Variants in MYH3 observed in about 807,000 individuals in gnomAD.
MYH3 encodes the protein myosin-3.
Under a neutral mutation model 238.0 loss-of-function variants are expected in MYH3, and 130 were observed. The observed-to-expected ratio is 0.55, with a 90% confidence interval of 0.47 to 0.63. The LOEUF is 0.63. MYH3 is among the 30% of genes least tolerant of loss of function. The pLI is 0.00. For missense variants in MYH3, 1,853 were observed against 2,374.9 expected (o/e 0.78, Z 4.57); for synonymous variants, 880 against 924.1 (o/e 0.95, Z 0.86).
At chr17:10,630,235 C>T (rs370214340) in intron 37 of MYH3, 39 bp from the exon 38 acceptor site, 23 of 1,613,582 alleles carry the variant, frequency 1.4e-5, no homozygotes, top group South Asian at 3.3e-5. Flanking sequence ...GGGGCTGCAG[C>T]GTGATTGGGA....
intron 10 of MYH3, 58 bp downstream of exon 10, chr17:10,647,124 G>T: frequency 8.2e-7 from 1 of 1,222,148 alleles, no homozygotes; most frequent in Non-Finnish European, 1.2e-6. Context: ...AACTCTCCTT[G>T]GTCTAGTGAT....
rs2074408593 is a variant in MYH3, at chr17:10,654,399, A to G, written c.204+462T>C. Among the ~76,000 whole-genome samples, 1 of 152,182 alleles carries G rather than the reference A, an allele frequency of 6.6e-6. No individual in the cohort carries two copies. The highest frequency in any genetic ancestry group is 1.5e-5 in the Non-Finnish European group (1 of 68,032). ...GCAGTGCTCATCCCCTTCATGATAC[A>G]AGGAGGCTGCTATTTCACTGAGCTT... On this transcript the variant is annotated intron_variant, in intron 3 of 40. Transcript: ENST00000583535. The surrounding 1 kb of genome is among the most constrained non-coding windows in gnomAD (Gnocchi z 4.5).
chr17:10,663,645 T>G, the MYH3 span, among the ~76,000 whole-genome samples: 1 of 151,888 alleles, frequency 6.6e-6, no homozygotes. Context: ...AATGGGTGGC[T>G]GGGGGGACAC....
the MYH3 span, chr17:10,676,565 A>C: frequency 2.0e-5 from 3 of 152,182 alleles, no homozygotes; most frequent in African/African-American, 7.2e-5. Flanking sequence ...TAAGTTTCCA[A>C]ATTTTCACAA....
At chr17:10,678,341 T>C in the MYH3 span, 2 of 152,190 alleles carry the variant, frequency 1.3e-5, no homozygotes. Context: ...CAGGAACATC[T>C]GGAAGACGTC....
At chr17:10,659,542 C>T (rs1436401441), upstream of MYH3, among the ~76,000 whole-genome samples, 1 of 152,208 alleles carries the variant, frequency 6.6e-6, no homozygotes, top group Non-Finnish European at 1.5e-5. Context: ...GTGTCAGGCA[C>T]AGAACCCAGA....
intron 12 of MYH3, among the ~76,000 whole-genome samples, 172 bp downstream of exon 12, chr17:10,645,535 C>T (rs866551217): frequency 3.3e-5 from 5 of 152,100 alleles, no homozygotes; most frequent in Middle Eastern, 3.4e-3. Flanking sequence ...GTTGGCCATG[C>T]TGGTCTCGAA....
chr17:10,673,569 C>G, the MYH3 span: 1 of 152,280 alleles, frequency 6.6e-6, no homozygotes, highest in African/African-American at 2.4e-5. Flanking sequence ...CTAAGACGGC[C>G]TTAGCAGAGC....
the MYH3 span, chr17:10,675,894 T>G: frequency 6.6e-6 from 1 of 152,136 alleles, no homozygotes; most frequent in African/African-American, 2.4e-5. Flanking sequence ...GGTGCAAACA[T>G]GGACAAAGTC....
the MYH3 span, among the ~76,000 whole-genome samples, chr17:10,670,641 T>C: frequency 3.9e-5 from 6 of 152,122 alleles, no homozygotes; most frequent in East Asian, 1.9e-4. The surrounding 1 kb of genome is among the most constrained non-coding windows in gnomAD (Gnocchi z 7.0). Flanking sequence ...AAAGTTAATA[T>C]ATGTTCATTT....
chr17:10,632,068 G>A (rs372430637), intron 34 of MYH3, 52 bp from the exon 35 acceptor site: 11 of 1,577,666 alleles, frequency 7.0e-6, no homozygotes, highest in African/African-American at 2.7e-5. Context: ...TTAGGACCAC[G>A]AGCCTCATCT....
At chr17:10,659,728 G>C (rs1388906953), upstream of MYH3, among the ~76,000 whole-genome samples, 2 of 152,196 alleles carry the variant, frequency 1.3e-5, no homozygotes, top group Non-Finnish European at 2.9e-5. Flanking sequence ...GAGGGAGAAA[G>C]AACACCCTGC....
In MYH3 at chr17:10,640,083, G is replaced by A; in HGVS notation, c.2595C>T (p.Ala865=). The A allele has an allele frequency of 1.2e-6, 2 of 1,613,984 alleles. No individual in the cohort carries two copies. Among genetic ancestry groups the A allele is most frequent in the Non-Finnish European group, 1.7e-6 (2 of 1,180,006 alleles). Reference sequence around the variant, plus strand: ...GCTCCTTCCTTTTTGCCTCCGACTTGGCGAGTTCATCTTTGGTTTTCTGGA... The same window carrying A: ...GCTCCTTCCTTTTTGCCTCCGACTTAGCGAGTTCATCTTTGGTTTTCTGGA... ...EEFQKTKDEL[A]KSEAKRKELE... is the part of the protein sequence containing the mutation. The change falls in exon 22 of 41, where the codon GCC becomes GCT. Residue 865 remains alanine (A), a synonymous_variant. Transcript: ENST00000583535.
the MYH3 span, among the ~76,000 whole-genome samples, chr17:10,670,876 C>T: frequency 3.9e-5 from 6 of 151,946 alleles, no homozygotes; most frequent in African/African-American, 1.5e-4. The surrounding 1 kb of genome is among the most constrained non-coding windows in gnomAD (Gnocchi z 7.0). Context: ...ACTGTTTTAT[C>T]TGCTGTAATT....
In MYH3 at chr17:10,642,381, G is replaced by A. The variant is rs1229384384; in HGVS notation, c.1888+36C>T. The A allele has an allele frequency of 7.4e-6, 12 of 1,613,890 alleles. No homozygotes were observed. The South Asian group carries it at 1.2e-4, about 16-fold the overall frequency. ...GTTTTTTGTTACTGTGGAACAAATGGAGGGAAATCACATGGACACAAAGCA... is the reference window on the plus strand; with the variant it reads ...GTTTTTTGTTACTGTGGAACAAATGAAGGGAAATCACATGGACACAAAGCA... On this transcript the variant is annotated intron_variant, in intron 16 of 40. Coordinates refer to ENST00000583535, the MANE Select transcript of MYH3 (RefSeq NM_002470.4). The surrounding 1 kb of genome is among the most constrained non-coding windows in gnomAD (Gnocchi z 5.4).
At chr17:10,672,922 A>G in the MYH3 span, 1 of 152,052 alleles carries the variant, frequency 6.6e-6, no homozygotes, top group Non-Finnish European at 1.5e-5. Context: ...TACATAAAAC[A>G]CTCAAAAGAG....
intron 14 of MYH3, among the ~76,000 whole-genome samples, chr17:10,643,524 C>T (rs1597488546): frequency 6.6e-6 from 1 of 152,182 alleles, no homozygotes; most frequent in East Asian, 1.9e-4. Context: ...TACAGGCGCA[C>T]GCCACCACAC....
At position 10,634,835 on chromosome 17, in the gene MYH3, C is replaced by A; in HGVS notation, c.4356+5G>T. On this transcript the variant is annotated splice_donor_5th_base_variant and intron_variant, in intron 31 of 40. Transcript: ENST00000583535. ...CATTCACCCAGCACACAGCGGACCC[C>A]ACACCTTGTCAAAGTTCCTCTGCTT... 6.2e-7 allele frequency: 1 copy of A among 1,614,130 alleles called. No individual in the cohort carries two copies. Among genetic ancestry groups the A allele is most frequent in the Non-Finnish European group, 8.5e-7 (1 of 1,180,026 alleles).
the MYH3 span, chr17:10,677,713 A>G: frequency 6.6e-6 from 1 of 152,246 alleles, no homozygotes; most frequent in Non-Finnish European, 1.5e-5. Flanking sequence ...GGATTCTTAT[A>G]CTTTTCAAAT....
Sources: allele counts gnomAD v4.1 joint callset (sites outside exome capture counted in the v4.1 genomes callset), GRCh38; gene constraint gnomAD v4.1.1; non-coding constraint Gnocchi (gnomAD v3.1); transcripts MANE v1.5; gene names NCBI Gene and HGNC (gene_info 2026-07-23, HGNC 2026-07-21).